The following HMGA2 variants were observed in gnomAD, a reference collection of about 807,000 sequenced individuals.
HMGA2 encodes high mobility group AT-hook 2.
HMGA2 carries 8 observed loss-of-function variants against 19.1 expected under a neutral mutation model. The observed-to-expected ratio is 0.42, with a 90% CI of 0.25 to 0.76. The LOEUF (loss-of-function observed/expected upper bound fraction) is 0.76, where lower values mean the gene tolerates loss of function less well. HMGA2 is among the 30% of genes least tolerant of loss of function. The pLI, the probability that HMGA2 is intolerant of heterozygous loss-of-function variation, is 0.28. For synonymous variants in HMGA2, 60 were observed against 48.8 expected (o/e 1.23, Z -0.96); for missense variants, 109 against 136.3 (o/e 0.80, Z 1.00).
In HMGA2 at chr12:65,825,534, G is replaced by A. The variant is rs947001408; in HGVS notation, c.111+153G>A. Among the ~76,000 whole-genome samples, 1 of 150,398 alleles carries A rather than the reference G, an allele frequency of 6.6e-6. No individual in the cohort carries two copies. Among genetic ancestry groups the A allele is most frequent in the Non-Finnish European group, 1.5e-5 (1 of 67,546 alleles). ...CCGGGGGGAGCGGCGCAGACCCCACGAGTGCGCCGCGCGGCCCCGGGGCGC... is the reference window on the plus strand; with the variant it reads ...CCGGGGGGAGCGGCGCAGACCCCACAAGTGCGCCGCGCGGCCCCGGGGCGC... On this transcript the variant is annotated intron_variant, in intron 1 of 4. Coordinates refer to ENST00000403681, the MANE Select transcript of HMGA2 (RefSeq NM_003483.6). This position sits in a 1 kb window ranked among gnomAD's most constrained non-coding sequence, Gnocchi z 4.4.
Position 65,963,328 on chromosome 12 carries a change from T to C in HMGA2, c.*36T>C. 6.3e-7 allele frequency: 1 copy of C among 1,596,148 alleles called. No homozygotes were observed. The highest frequency in any genetic ancestry group is 1.1e-5 in the South Asian group (1 of 90,706). The stretch of plus-strand genomic sequence containing the variant: ...CGTTCGATTTCTACCTCAGCAGCAG[T>C]TGGATCTTTTGAAGGGAGAAGACAC... On this transcript the variant is annotated 3_prime_UTR_variant, in exon 5 of 5. Coordinates refer to ENST00000403681, the MANE Select transcript of HMGA2 (RefSeq NM_003483.6).
intron 3 of HMGA2, chr12:65,858,191 G>A (rs866898433): frequency 1.3e-5 from 2 of 152,574 alleles, no homozygotes; most frequent in African/African-American, 4.8e-5. Context: ...ATTTTTATGG[G>A]TTGATGCAGT....
intron 2 of HMGA2, among the ~76,000 whole-genome samples, chr12:65,837,945 CATTAA>C (rs374953987): frequency 9.4e-4 from 143 of 152,160 alleles, no homozygotes; most frequent in Middle Eastern, 3.4e-3. Context: ...AGGCAAGGAA[CATTAA>C]ATTAAACATG....
chr12:65,905,403 G>A (rs1029021958), intron 3 of HMGA2, among the ~76,000 whole-genome samples: 1 of 151,824 alleles, frequency 6.6e-6, no homozygotes, highest in African/African-American at 2.4e-5. Context: ...ATTGTATTTT[G>A]AAACCAAGCT....
At chr12:65,901,783 A>G (rs964604136) in intron 3 of HMGA2, among the ~76,000 whole-genome samples, 1 of 152,148 alleles carries the variant, frequency 6.6e-6, no homozygotes, top group African/African-American at 2.4e-5. Context: ...GCCTTATGAC[A>G]TGAATCTATA....
chr12:65,852,802 G>A (rs1871540890), intron 3 of HMGA2, among the ~76,000 whole-genome samples: 1 of 152,196 alleles, frequency 6.6e-6, no homozygotes, highest in African/African-American at 2.4e-5. Context: ...GTGAGGTTAA[G>A]AGAGTGCCAC....
At chr12:65,920,697 T>G (rs575770963) in intron 3 of HMGA2, among the ~76,000 whole-genome samples, 101 of 152,344 alleles carry the variant, frequency 6.6e-4, no homozygotes, top group South Asian at 1.4e-3. Context: ...ATGTAAGAAG[T>G]GCCGTTCGCC....
intron 3 of HMGA2, among the ~76,000 whole-genome samples, chr12:65,884,575 T>G (rs1171971135): frequency 6.6e-6 from 1 of 152,236 alleles, no homozygotes; most frequent in Non-Finnish European, 1.5e-5. Context: ...CTAAGGAAAC[T>G]TGTACATTTA....
intron 3 of HMGA2, 143 bp downstream of exon 3, chr12:65,838,712 A>G (rs1021445829): frequency 1.5e-6 from 1 of 671,930 alleles, no homozygotes; most frequent in Admixed American, 2.5e-5. Context: ...TCAAGAGACA[A>G]ATTATCATCA....
intron 3 of HMGA2, among the ~76,000 whole-genome samples, chr12:65,912,506 C>G (rs1874888837): frequency 6.6e-6 from 1 of 152,170 alleles, no homozygotes; most frequent in Admixed American, 6.5e-5. Flanking sequence ...AAAATCATTT[C>G]CTCCAATCTG....
At chr12:65,851,718 G>A (rs2120929333) in intron 3 of HMGA2, 1 of 387,562 alleles carries the variant, frequency 2.6e-6, no homozygotes, top group Non-Finnish European at 5.2e-6. Context: ...TATGTTGTCA[G>A]CTTTCCATTT....
intron 3 of HMGA2, among the ~76,000 whole-genome samples, chr12:65,937,891 GAGAAT>G (rs1246051977): frequency 1.3e-5 from 2 of 152,306 alleles, no homozygotes; most frequent in South Asian, 2.1e-4. Context: ...AACCAGCACA[GAGAAT>G]AGTAAAATGT....
intron 3 of HMGA2, among the ~76,000 whole-genome samples, chr12:65,920,826 C>T (rs754047884): frequency 2.6e-5 from 4 of 152,138 alleles, no homozygotes; most frequent in Non-Finnish European, 5.9e-5. Flanking sequence ...CTAACTAATA[C>T]AGTAAATTGG....
At chr12:65,951,962 T>C (rs568790363) in intron 4 of HMGA2, 1 of 171,362 alleles carries the variant, frequency 5.8e-6, no homozygotes, top group South Asian at 1.7e-4. Flanking sequence ...CTGAAGTTTT[T>C]GGCAACATCA....
At chr12:65,874,194 A>G (rs995544744) in intron 3 of HMGA2, 11 of 151,882 alleles carry the variant, frequency 7.2e-5, no homozygotes, top group African/African-American at 2.4e-4. Context: ...TATCACCTAC[A>G]AGAAAAGAAA....
chr12:65,856,331 A>ATTACACCAAGTTAAATCCTC (rs1871740557), intron 3 of HMGA2: 1 of 152,102 alleles, frequency 6.6e-6, no homozygotes, highest in African/African-American at 2.4e-5. Flanking sequence ...TGGTGTAGAG[A>ATTACACCAAGTTAAATCCTC]TTATATAGTT....
chr12:65,875,517 G>A (rs982978956), intron 3 of HMGA2, among the ~76,000 whole-genome samples: 12 of 147,346 alleles, frequency 8.1e-5, no homozygotes, highest in Non-Finnish European at 4.5e-5. Flanking sequence ...TCCACCTCAC[G>A]GGTTCAAGCC....
At chr12:65,959,372 G>T (rs970841923) in intron 4 of HMGA2, among the ~76,000 whole-genome samples, 1 of 152,014 alleles carries the variant, frequency 6.6e-6, no homozygotes, top group African/African-American at 2.4e-5. Flanking sequence ...ATGAACAAAA[G>T]AAAAACTAAG....
chr12:65,889,252 C>T (rs1385253384), intron 3 of HMGA2, among the ~76,000 whole-genome samples: 2 of 152,142 alleles, frequency 1.3e-5, no homozygotes, highest in African/African-American at 4.8e-5. Context: ...TTGTTCTCCT[C>T]AAGTCCCAGA....
Sources: gnomAD v4.1 joint callset for allele counts (sites outside exome capture counted in the v4.1 genomes callset) on GRCh38, gnomAD v4.1.1 for gene constraint, Gnocchi (gnomAD v3.1) non-coding constraint, MANE v1.5 for transcripts, NCBI Gene and HGNC (gene_info 2026-07-23, HGNC 2026-07-21) for gene names.